Variants in EFCAB9 observed in about 807,000 individuals in gnomAD.
EFCAB9 encodes the protein EF-hand calcium binding domain 9.
Under a neutral mutation model 15.6 loss-of-function variants are expected in EFCAB9, and 16 were observed. The ratio of observed to expected loss-of-function variants is 1.03; its 90% CI spans 0.69 to 1.56. The LOEUF (loss-of-function observed/expected upper bound fraction) is 1.56, where lower values mean the gene tolerates loss of function less well. Ranked by LOEUF, EFCAB9 falls within the 40% of genes most tolerant of loss-of-function variation. The pLI, the probability that EFCAB9 is intolerant of heterozygous loss-of-function variation, is 0.00. For missense variants in EFCAB9, 208 were observed against 235.4 expected (o/e 0.88, Z 0.76); for synonymous variants, 76 against 85.4 (o/e 0.89, Z 0.61).
intron 3 of EFCAB9, among the ~76,000 whole-genome samples, chr5:172,201,823 AC>A (rs1719283200): frequency 1.3e-5 from 2 of 152,310 alleles, no homozygotes; most frequent in African/African-American, 4.8e-5. Context: ...AGCCCGGGCA[AC>A]ATAGTGAGAT....
At chr5:172,195,165 TAAATA>T (rs1743152493) in intron 1 of EFCAB9, among the ~76,000 whole-genome samples, 1 of 144,742 alleles carries the variant, frequency 6.9e-6, no homozygotes, top group South Asian at 2.1e-4. Flanking sequence ...AATAAATAAA[TAAATA>T]AATAAATAAA....
chr5:172,198,407 G>A (rs1282280552), intron 1 of EFCAB9, among the ~76,000 whole-genome samples: 3 of 152,182 alleles, frequency 2.0e-5, no homozygotes, highest in Non-Finnish European at 4.4e-5. Context: ...TACTTGGGAG[G>A]CTGGGGTGGG....
At chr5:172,200,158 A>G (rs760817194) in intron 2 of EFCAB9, among the ~76,000 whole-genome samples, 1 of 151,888 alleles carries the variant, frequency 6.6e-6, no homozygotes, top group African/African-American at 2.4e-5. Flanking sequence ...ACCTCAAGTG[A>G]TCCACCCACC....
rs1259760482 is a variant in EFCAB9, at chr5:172,199,350, A to C, written c.137-33A>C. ...TTTAGCATTTTGGAACTATATCCAAATAACACATCTCCTCACCTGCCCACC... is the reference window on the plus strand; with the variant it reads ...TTTAGCATTTTGGAACTATATCCAACTAACACATCTCCTCACCTGCCCACC... On this transcript the variant is annotated intron_variant, in intron 1 of 3. Coordinates refer to ENST00000398186, the MANE Select transcript of EFCAB9 (RefSeq NM_001171183.2). 2.0e-6 allele frequency: 3 copies of C among 1,534,848 alleles called. No individual in the cohort carries two copies. The Admixed American group carries it at 5.9e-5, about 30-fold the overall frequency.
chr5:172,202,810 A>G (rs1180545163), intron 3 of EFCAB9, among the ~76,000 whole-genome samples: 5 of 151,136 alleles, frequency 3.3e-5, no homozygotes. Flanking sequence ...GACCAGCCTG[A>G]CCAACGTGAT....
chr5:172,202,294 T>C lies in EFCAB9; in HGVS notation c.463-920T>C, dbSNP rs140966796. Among the ~76,000 whole-genome samples the C allele has an allele frequency of 4.1e-5, 5 of 121,936 alleles. No homozygotes were observed. In the East Asian group the frequency reaches 1.4e-3, roughly 33 times the overall value. 80.0% of individuals were successfully genotyped at this position (121,936 alleles called of 152,430 possible). A position where few individuals can be genotyped will look rare whatever the true frequency, so the allele number is the denominator to read the frequency against. On this transcript the variant is annotated intron_variant, in intron 3 of 3. Coordinates refer to ENST00000398186, the MANE Select transcript of EFCAB9 (RefSeq NM_001171183.2). ...AGGCGGAGCTTGCAGTGAGCCGAGA[T>C]CATGCCACTGCCTGGGCGACAGAGT... is the stretch of plus-strand genomic sequence containing the variant.
At position 172,196,746 on chromosome 5, in the gene EFCAB9, C is replaced by T. The variant is rs546821244; in HGVS notation, c.136+2438C>T. Among the ~76,000 whole-genome samples, 5 of 152,178 alleles carry T rather than the reference C, an allele frequency of 3.3e-5. No homozygotes were observed. The South Asian group carries it at 6.2e-4, about 19-fold the overall frequency. On this transcript the variant is annotated intron_variant, in intron 1 of 3. Transcript: ENST00000398186. Reference sequence around the variant, plus strand: ...GTAAGGGGAAACACATGTAGATAAACGTAAAAATCCCTTGTTACTGTAATT... The same window carrying T: ...GTAAGGGGAAACACATGTAGATAAATGTAAAAATCCCTTGTTACTGTAATT...
intron 1 of EFCAB9, among the ~76,000 whole-genome samples, chr5:172,196,560 G>A (rs1771165138): frequency 6.6e-6 from 1 of 152,002 alleles, no homozygotes; most frequent in African/African-American, 2.4e-5. Flanking sequence ...ATTTTTAGTA[G>A]AGACGAGGTT....
rs1771218944 is a variant in EFCAB9, at chr5:172,199,447, G to A, written c.201G>A (p.Val67=). 6.5e-7 allele frequency: 1 copy of A among 1,537,298 alleles called. No homozygotes were observed. The highest frequency in any genetic ancestry group is 1.2e-5 in the South Asian group (1 of 84,064). The change falls in exon 2 of 4, where the codon GTG becomes GTA. Residue 67 remains valine, a synonymous_variant. Coordinates refer to ENST00000398186, the MANE Select transcript of EFCAB9 (RefSeq NM_001171183.2). The part of the protein sequence containing the change: ...TDLKKAQINI[V]FDMLDWNAVG... ...TGAAAAAGGCACAGATCAACATTGT[G>A]TTTGACATGCTGGACTGGAACGCTG...
At chr5:172,199,653 G>A (rs914062488) in intron 2 of EFCAB9, 122 bp downstream of exon 2, 1 of 1,387,272 alleles carries the variant, frequency 7.2e-7, no homozygotes, top group Non-Finnish European at 9.6e-7. Flanking sequence ...GGGAAAATGA[G>A]TTTTGGTTCC....
intron 3 of EFCAB9, among the ~76,000 whole-genome samples, chr5:172,202,660 A>G (rs1771275583): frequency 6.6e-6 from 1 of 151,808 alleles, no homozygotes; most frequent in Non-Finnish European, 1.5e-5. Flanking sequence ...GTGAGCTGAG[A>G]TCACGCCACT....
chr5:172,202,986 G>GA (rs1371375841), intron 3 of EFCAB9, among the ~76,000 whole-genome samples: 4 of 152,184 alleles, frequency 2.6e-5, no homozygotes, highest in Non-Finnish European at 5.9e-5. Context: ...GCGACAGAGA[G>GA]AGACTCCGTC....
In EFCAB9 at chr5:172,194,265, A is replaced by G. The variant is rs1434204166; in HGVS notation, c.93A>G (p.Glu31=). The change falls in exon 1 of 4, where the codon GAA becomes GAG. Residue 31 remains glutamate, a synonymous_variant. Coordinates refer to ENST00000398186, the MANE Select transcript of EFCAB9 (RefSeq NM_001171183.2). ...LSVRNVKALA[E]YFHILDVHGK... ...TGAGAAACGTGAAGGCTTTGGCAGA[A>G]TATTTTCATATTCTGGACGTGCACG... The G allele has an allele frequency of 1.3e-6, 2 of 1,537,920 alleles. No homozygotes were observed. The highest frequency in any genetic ancestry group is 1.4e-5 in the African/African-American group (1 of 73,158).
intron 2 of EFCAB9, 150 bp downstream of exon 2, chr5:172,199,681 T>A: frequency 8.3e-7 from 1 of 1,204,816 alleles, no homozygotes; most frequent in Non-Finnish European, 1.1e-6. Context: ...TTCAGGTTTT[T>A]CAACAGCTTC....
chr5:172,198,705 C>T (rs923521547), intron 1 of EFCAB9, among the ~76,000 whole-genome samples: 1 of 152,166 alleles, frequency 6.6e-6, no homozygotes, highest in Non-Finnish European at 1.5e-5. Context: ...CAACCTCCGC[C>T]TCCCGGGTTC....
At chr5:172,201,789 G>A (rs534753988) in intron 3 of EFCAB9, among the ~76,000 whole-genome samples, 4 of 152,096 alleles carry the variant, frequency 2.6e-5, no homozygotes, top group East Asian at 1.9e-4. Flanking sequence ...AGGGAGGATC[G>A]CTTGAGCCCA....
chr5:172,200,569 C>A lies in EFCAB9; in HGVS notation c.289C>A (p.His97Asn). Reference sequence around the variant, plus strand: ...TCACCTATTTCTCTCGCAATAGAACCATTTGGAAGGACAGTTTATGTATCG... The same window carrying A: ...TCACCTATTTCTCTCGCAATAGAACAATTTGGAAGGACAGTTTATGTATCG... ...LVCMLLAHQN[H>N]LEGQFMYRHS... The change falls in exon 3 of 4, where the codon CAT (histidine) becomes AAT (asparagine). Residue 97 changes from histidine to asparagine, a missense_variant. Physicochemically the swap from His to Asn is moderately conservative, Grantham distance 68 (BLOSUM62 1). Coordinates refer to ENST00000398186, the MANE Select transcript of EFCAB9 (RefSeq NM_001171183.2). 1 of 1,535,254 alleles carries A rather than the reference C, an allele frequency of 6.5e-7. No individual in the cohort carries two copies. The highest frequency in any genetic ancestry group is 8.7e-7 in the Non-Finnish European group (1 of 1,146,196).
In EFCAB9 at chr5:172,201,960, A is replaced by G. The variant is rs570693579; in HGVS notation, c.462+1218A>G. On this transcript the variant is annotated intron_variant, in intron 3 of 3. Transcript: ENST00000398186. ...GGTTGAAAACAATGATCACACTGTG[A>G]ACAACCTTAGATGCCAGCCTGAAGC... Among the ~76,000 whole-genome samples the G allele has an allele frequency of 5.3e-5, 8 of 152,346 alleles. No individual in the cohort carries two copies. In the South Asian group the frequency reaches 1.5e-3, roughly 28 times the overall value.
chr5:172,198,809 T>G (rs1215748774), intron 1 of EFCAB9, among the ~76,000 whole-genome samples: 3 of 152,106 alleles, frequency 2.0e-5, no homozygotes, highest in Non-Finnish European at 4.4e-5. Context: ...AGAGACAGGG[T>G]TTCACCATAT....
Sources: gnomAD v4.1 joint callset for allele counts (sites outside exome capture counted in the v4.1 genomes callset) on GRCh38, gnomAD v4.1.1 for gene constraint, MANE v1.5 for transcripts, NCBI Gene and HGNC (gene_info 2026-07-23, HGNC 2026-07-21) for gene names.